The following CADM2 variants were observed in gnomAD, a reference collection of about 807,000 sequenced individuals.
CADM2 encodes cell adhesion molecule 2, also known as immunoglobulin superfamily member 4D.
CADM2 carries 12 observed loss-of-function variants against 49.8 expected under a neutral mutation model. The ratio of observed to expected loss-of-function variants is 0.24; its 90% CI spans 0.15 to 0.39. The LOEUF (loss-of-function observed/expected upper bound fraction) is 0.39. Ranked by LOEUF, CADM2 falls within the 10% of genes least tolerant of loss-of-function variation. CADM2 has a pLI of 1.00. For synonymous variants in CADM2, 214 were observed against 175.4 expected, an observed-to-expected ratio of 1.22 and a Z score of -1.74; for missense variants, 378 against 492.3, an observed-to-expected ratio of 0.77 and a Z score of 2.20.
At chr3:85,399,445 C>G (rs1478490716) in intron 1 of CADM2, among the ~76,000 whole-genome samples, 7 of 152,028 alleles carry the variant, frequency 4.6e-5, no homozygotes, top group Admixed American at 6.6e-5. Context: ...GCTTAGGATT[C>G]TCTTGGCAAT....
intron 8 of CADM2, among the ~76,000 whole-genome samples, chr3:86,018,542 G>T (rs1248127514): frequency 6.6e-6 from 1 of 152,136 alleles, no homozygotes; most frequent in East Asian, 1.9e-4. Context: ...AGCACCTGTT[G>T]TTTCCTGACT....
intron 1 of CADM2, among the ~76,000 whole-genome samples, chr3:85,190,087 C>G (rs756201673): frequency 6.6e-6 from 1 of 150,708 alleles, no homozygotes; most frequent in African/African-American, 2.4e-5. Flanking sequence ...ACCTAATCTC[C>G]GAAATGAAAT....
At chr3:85,940,085 G>T (rs1721681922) in intron 7 of CADM2, among the ~76,000 whole-genome samples, 1 of 147,504 alleles carries the variant, frequency 6.8e-6, no homozygotes, top group South Asian at 2.2e-4. Context: ...TTGGGAGATG[G>T]AGGCAGGAGG....
At chr3:85,130,788 C>A (rs2039202312) in intron 1 of CADM2, among the ~76,000 whole-genome samples, 1 of 152,150 alleles carries the variant, frequency 6.6e-6, no homozygotes, top group African/African-American at 2.4e-5. Context: ...TTTTATGTAA[C>A]TTTTCAGCCA....
chr3:85,984,804 T>A (rs184737249), intron 8 of CADM2, among the ~76,000 whole-genome samples: 1 of 152,090 alleles, frequency 6.6e-6, no homozygotes, highest in East Asian at 1.9e-4. Context: ...AAATATAGAT[T>A]TAGTTTTACA....
rs531244442 is a variant in CADM2, at chr3:86,020,820, T to A, written c.971-44785T>A. Among the ~76,000 whole-genome samples the A allele has an allele frequency of 7.2e-5, 11 of 152,196 alleles. 1 individual carries two copies. In the South Asian group the frequency reaches 1.7e-3, roughly 23 times the overall value. ...TGCTAAAATCTCTCAATAAATTAGG[T>A]ATTGATGGGACGTATTTCAAAATAA... On this transcript the variant is annotated intron_variant, in intron 8 of 9. Coordinates refer to ENST00000383699, the MANE Select transcript of CADM2 (RefSeq NM_001167675.2).
intron 1 of CADM2, among the ~76,000 whole-genome samples, chr3:85,434,050 T>C (rs1359741722): frequency 1.3e-5 from 2 of 152,054 alleles, no homozygotes; most frequent in Non-Finnish European, 2.9e-5. Context: ...TATGAGTCGA[T>C]TAAGTTTAGA....
intron 1 of CADM2, among the ~76,000 whole-genome samples, chr3:85,287,685 C>T (rs2043669151): frequency 6.6e-6 from 1 of 152,008 alleles, no homozygotes; most frequent in Non-Finnish European, 1.5e-5. Context: ...AAATTGAGAA[C>T]AAAATATTTC....
intron 1 of CADM2, among the ~76,000 whole-genome samples, chr3:85,691,615 C>A (rs1297809892): frequency 6.6e-6 from 1 of 152,070 alleles, no homozygotes; most frequent in Non-Finnish European, 1.5e-5. Context: ...CCCAGCCATC[C>A]CATTACTGGG....
intron 1 of CADM2, among the ~76,000 whole-genome samples, chr3:85,572,924 T>C (rs943248297): frequency 2.0e-5 from 3 of 152,180 alleles, no homozygotes; most frequent in Non-Finnish European, 4.4e-5. Flanking sequence ...AGTAATACTT[T>C]ACTAGCTTTC....
chr3:85,069,858 T>G (rs2036658120), intron 1 of CADM2, among the ~76,000 whole-genome samples: 1 of 152,124 alleles, frequency 6.6e-6, no homozygotes, highest in African/African-American at 2.4e-5. Context: ...GAAGCTGATG[T>G]GATTATCTTA....
intron 1 of CADM2, among the ~76,000 whole-genome samples, chr3:84,965,066 A>G (rs1173595771): frequency 2.0e-5 from 3 of 152,178 alleles, no homozygotes; most frequent in Non-Finnish European, 4.4e-5. Flanking sequence ...GATACTTTAC[A>G]TTAGATTAGA....
At chr3:85,076,340 G>T (rs1030474896) in intron 1 of CADM2, among the ~76,000 whole-genome samples, 111 of 45,976 alleles carry the variant, frequency 2.4e-3, no homozygotes, top group Admixed American at 4.2e-3. Flanking sequence ...TGTGTGTGTG[G>T]TGTGGTGTGC....
rs903510966 is a variant in CADM2, at chr3:85,947,551, G to GAAA, written c.791+11702_791+11704dup. Among the ~76,000 whole-genome samples, 317 of 147,408 alleles carry GAAA rather than the reference G, an allele frequency of 2.2e-3. 4 individuals are homozygous for GAAA. Among genetic ancestry groups the GAAA allele is most frequent in the African/African-American group, 7.7e-3 (313 of 40,424 alleles). On this transcript the variant is annotated intron_variant, in intron 7 of 9. Transcript: ENST00000383699. ...AAATTCATTCTAAATTTTCAAAATT[G>GAAA]AAAAAAAAAATGTGTGCAGTCCTTT... is the stretch of plus-strand genomic sequence containing the variant.
At chr3:86,062,070 T>A (rs1346621772) in intron 8 of CADM2, among the ~76,000 whole-genome samples, 1 of 152,060 alleles carries the variant, frequency 6.6e-6, no homozygotes, top group Non-Finnish European at 1.5e-5. Context: ...ATTTATACCA[T>A]TGATCCAGAA....
intron 1 of CADM2, among the ~76,000 whole-genome samples, chr3:84,992,487 G>A (rs1229584599): frequency 1.3e-5 from 2 of 151,968 alleles, no homozygotes; most frequent in Non-Finnish European, 2.9e-5. Flanking sequence ...AAATTATCTG[G>A]GCATGGTGGT....
At chr3:85,693,275 A>C (rs955809516) in intron 1 of CADM2, among the ~76,000 whole-genome samples, 1 of 151,702 alleles carries the variant, frequency 6.6e-6, no homozygotes, top group Non-Finnish European at 1.5e-5. Flanking sequence ...GAAGGAAGGA[A>C]GGAATGAAGA....
intron 6 of CADM2, among the ~76,000 whole-genome samples, chr3:85,924,606 A>C (rs1235084915): frequency 6.6e-6 from 1 of 151,280 alleles, no homozygotes; most frequent in Non-Finnish European, 1.5e-5. Flanking sequence ...TAAATAAATA[A>C]ATAAATAAAT....
chr3:86,002,916 G>A (rs570949368), intron 8 of CADM2, among the ~76,000 whole-genome samples: 3 of 152,208 alleles, frequency 2.0e-5, no homozygotes, highest in South Asian at 4.1e-4. Context: ...TTCAGTGTGA[G>A]AAAACTGAAA....
Sources: gnomAD v4.1 joint callset for allele counts (sites outside exome capture counted in the v4.1 genomes callset) on GRCh38, gnomAD v4.1.1 for gene constraint, MANE v1.5 for transcripts, NCBI Gene and HGNC (gene_info 2026-07-23, HGNC 2026-07-21) for gene names.